NCAM2: variants seen among roughly 807,000 people sequenced by gnomAD.
The protein encoded by NCAM2 is N-CAM-2.
Under a neutral mutation model 98.1 loss-of-function variants are expected in NCAM2, and 30 were observed. The observed-to-expected ratio is 0.31, with a 90% CI of 0.23 to 0.41. The LOEUF (loss-of-function observed/expected upper bound fraction) is 0.41, where lower values mean the gene tolerates loss of function less well. Ranked by LOEUF, NCAM2 falls within the 10% of genes least tolerant of loss-of-function variation. The pLI is 1.00. For synonymous variants in NCAM2, 368 were observed against 342.4 expected (o/e 1.07, Z -0.83); for missense variants, 867 against 1,005.8 (o/e 0.86, Z 1.87).
chr21:21,194,257 T>C (rs548898118), intron 1 of NCAM2, among the ~76,000 whole-genome samples: 1 of 152,280 alleles, frequency 6.6e-6, no homozygotes, highest in Admixed American at 6.5e-5. Flanking sequence ...TATATTTTAA[T>C]TTGCCATGTG....
intron 1 of NCAM2, among the ~76,000 whole-genome samples, chr21:21,126,193 T>C (rs2066817732): frequency 8.1e-6 from 1 of 122,940 alleles, no homozygotes; most frequent in Admixed American, 1.1e-4. Flanking sequence ...GTAGGAGCCA[T>C]GAGACCAGAT....
chr21:21,060,246 C>T (rs1456737415), intron 1 of NCAM2, among the ~76,000 whole-genome samples: 1 of 151,980 alleles, frequency 6.6e-6, no homozygotes, highest in East Asian at 1.9e-4. Context: ...CACTAAAAAA[C>T]AGTAAAATGA....
chr21:21,276,057 C>T (rs2072717361), intron 1 of NCAM2, among the ~76,000 whole-genome samples: 1 of 152,086 alleles, frequency 6.6e-6, no homozygotes, highest in African/African-American at 2.4e-5. Flanking sequence ...GTGGAATGCC[C>T]TTATTCTTTT....
At chr21:21,335,404 T>C (rs1420345013) in intron 6 of NCAM2, 101 bp from the exon 7 acceptor site, 2 of 807,456 alleles carry the variant, frequency 2.5e-6, no homozygotes, top group East Asian at 3.0e-5. Context: ...TCAATGATGA[T>C]AGCCATATAG....
At position 21,089,981 on chromosome 21, in the gene NCAM2, A is replaced by G. The variant is rs527696404; in HGVS notation, c.55+91363A>G. On this transcript the variant is annotated intron_variant, in intron 1 of 17. Coordinates refer to ENST00000400546, the MANE Select transcript of NCAM2 (RefSeq NM_004540.5). ...ACACAGTCACCCAGCCACACCAACA[A>G]CAAATAGGTAGGGATGCAAGGACTG... Among the ~76,000 whole-genome samples the G allele has an allele frequency of 1.6e-4, 24 of 152,248 alleles. 1 individual carries two copies. The South Asian group carries it at 5.0e-3, about 32-fold the overall frequency.
rs576812779 is a variant in NCAM2, at chr21:21,034,620, T to G, written c.55+36002T>G. Among the ~76,000 whole-genome samples the G allele has an allele frequency of 6.6e-5, 10 of 152,298 alleles. No individual in the cohort carries two copies. In the East Asian group the frequency reaches 1.9e-3, roughly 29 times the overall value. Reference sequence around the variant, plus strand: ...TGGAAGAAAAATTTCAACTACTCATTTGGAAAGTTACAGTCAGGTATTGAA... The same window carrying G: ...TGGAAGAAAAATTTCAACTACTCATGTGGAAAGTTACAGTCAGGTATTGAA... On this transcript the variant is annotated intron_variant, in intron 1 of 17. Coordinates refer to ENST00000400546, the MANE Select transcript of NCAM2 (RefSeq NM_004540.5).
intron 1 of NCAM2, among the ~76,000 whole-genome samples, chr21:21,141,566 GT>G (rs893223159): frequency 2.0e-5 from 3 of 152,112 alleles, no homozygotes; most frequent in African/African-American, 7.2e-5. Context: ...GTAATTAGTA[GT>G]TTTAATAAAC....
At chr21:21,472,712 A>T (rs779403477) in intron 14 of NCAM2, among the ~76,000 whole-genome samples, 7 of 151,930 alleles carry the variant, frequency 4.6e-5, no homozygotes, top group Non-Finnish European at 7.4e-5. Flanking sequence ...ATGCACTGCC[A>T]ATGTTTATAG....
At chr21:21,038,847 C>G (rs1231940634) in intron 1 of NCAM2, among the ~76,000 whole-genome samples, 1 of 152,128 alleles carries the variant, frequency 6.6e-6, no homozygotes, top group Non-Finnish European at 1.5e-5. Flanking sequence ...TAGCATGGCT[C>G]TGTGTGAGGA....
At chr21:21,446,936 T>C (rs914069619) in intron 12 of NCAM2, among the ~76,000 whole-genome samples, 4 of 152,166 alleles carry the variant, frequency 2.6e-5, no homozygotes, top group African/African-American at 9.7e-5. Context: ...TCCATTCTCA[T>C]GGATAGGAAG....
intron 1 of NCAM2, among the ~76,000 whole-genome samples, chr21:21,243,379 T>C (rs2071143972): frequency 1.3e-5 from 2 of 152,234 alleles, no homozygotes; most frequent in African/African-American, 4.8e-5. Context: ...TTATAGCTCA[T>C]AAAGTTTAGC....
chr21:21,281,624 A>G (rs535251271), intron 2 of NCAM2, among the ~76,000 whole-genome samples: 2 of 152,068 alleles, frequency 1.3e-5, no homozygotes, highest in Non-Finnish European at 2.9e-5. Context: ...TTATTTATTT[A>G]GGTACAATAT....
intron 1 of NCAM2, among the ~76,000 whole-genome samples, chr21:21,219,986 T>G (rs2070074417): frequency 6.6e-6 from 1 of 152,102 alleles, no homozygotes; most frequent in African/African-American, 2.4e-5. Context: ...AGAATAAGGT[T>G]ATGAAGAAAG....
At chr21:21,065,760 T>C (rs961996997) in intron 1 of NCAM2, among the ~76,000 whole-genome samples, 1 of 152,176 alleles carries the variant, frequency 6.6e-6, no homozygotes, top group Non-Finnish European at 1.5e-5. Flanking sequence ...TGGGAGTGTG[T>C]ACTATGACTA....
intron 1 of NCAM2, among the ~76,000 whole-genome samples, chr21:21,220,993 C>T (rs955311153): frequency 2.0e-5 from 3 of 152,086 alleles, no homozygotes; most frequent in Admixed American, 6.6e-5. Context: ...GGAGCGTGTA[C>T]TCACCTCATG....
At chr21:21,230,759 A>T (rs1202531229) in intron 1 of NCAM2, among the ~76,000 whole-genome samples, 2 of 151,334 alleles carry the variant, frequency 1.3e-5, no homozygotes, top group Non-Finnish European at 3.0e-5. Context: ...CCACACTTTC[A>T]TGAGTATTCC....
intron 9 of NCAM2, among the ~76,000 whole-genome samples, chr21:21,402,265 A>G (rs1171428163): frequency 6.6e-6 from 1 of 152,140 alleles, no homozygotes; most frequent in Non-Finnish European, 1.5e-5. Context: ...TTTCCTAGCA[A>G]GGAATATAAT....
At chr21:21,130,315 T>C (rs756353370) in intron 1 of NCAM2, among the ~76,000 whole-genome samples, 1 of 152,124 alleles carries the variant, frequency 6.6e-6, no homozygotes, top group Non-Finnish European at 1.5e-5. Context: ...TCTGGGGAAA[T>C]TAATATTGTC....
chr21:21,115,160 A>G (rs1330488507), intron 1 of NCAM2, among the ~76,000 whole-genome samples: 2 of 152,144 alleles, frequency 1.3e-5, no homozygotes, highest in East Asian at 3.9e-4. Context: ...CCTGAGTGAA[A>G]AAAATGAAGT....
Sources: allele counts gnomAD v4.1 joint callset (sites outside exome capture counted in the v4.1 genomes callset), GRCh38; gene constraint gnomAD v4.1.1; transcripts MANE v1.5; gene names NCBI Gene and HGNC (gene_info 2026-07-23, HGNC 2026-07-21).